Variants in LCORL observed in about 807,000 individuals in gnomAD.
LCORL encodes ligand-dependent nuclear receptor corepressor-like protein.
LCORL carries 41 observed loss-of-function variants against 141.8 expected under a neutral mutation model. The observed-to-expected ratio is 0.29, with a 90% CI of 0.23 to 0.38. LCORL has a LOEUF of 0.38. LCORL is among the 10% of genes least tolerant of loss of function. The pLI, the probability that LCORL is intolerant of heterozygous loss-of-function variation, is 1.00. For missense variants in LCORL, 1,759 were observed against 2,035.0 expected, an observed-to-expected ratio of 0.86 and a Z score of 2.61; for synonymous variants, 618 against 694.1, an observed-to-expected ratio of 0.89 and a Z score of 1.72.
At chr4:17,951,152 T>C (rs1298329279) in intron 4 of LCORL, among the ~76,000 whole-genome samples, 1 of 152,208 alleles carries the variant, frequency 6.6e-6, no homozygotes. Flanking sequence ...TATATTTCAC[T>C]CAACCAACTC....
At chr4:18,009,159 G>C (rs1345401736) in intron 1 of LCORL, among the ~76,000 whole-genome samples, 1 of 151,946 alleles carries the variant, frequency 6.6e-6, no homozygotes, top group Admixed American at 6.6e-5. Flanking sequence ...AAAACCATGA[G>C]TTCGCACAAG....
intron 6 of LCORL, among the ~76,000 whole-genome samples, chr4:17,885,400 A>C (rs1022810849): frequency 6.6e-6 from 1 of 151,996 alleles, no homozygotes; most frequent in Non-Finnish European, 1.5e-5. Context: ...TACGACTCAA[A>C]TACTACTACA....
chr4:17,888,439 A>T (rs1380337571), intron 5 of LCORL, among the ~76,000 whole-genome samples: 1 of 152,074 alleles, frequency 6.6e-6, no homozygotes, highest in Admixed American at 6.6e-5. Context: ...CAAACGTGCT[A>T]TGCAGTGTTA....
At chr4:17,908,685 A>C (rs973408105) in intron 5 of LCORL, among the ~76,000 whole-genome samples, 1 of 152,144 alleles carries the variant, frequency 6.6e-6, no homozygotes, top group Non-Finnish European at 1.5e-5. Flanking sequence ...CTCTGTTCCA[A>C]GTTATATTAT....
At chr4:17,886,337 G>GA (rs1346390487) in intron 5 of LCORL, among the ~76,000 whole-genome samples, 176 bp from the exon 6 acceptor site, 5 of 151,886 alleles carry the variant, frequency 3.3e-5, no homozygotes, top group African/African-American at 1.2e-4. Context: ...CACTATATAG[G>GA]AAAAAAAGAA....
At position 17,996,417 on chromosome 4, in the gene LCORL, A is replaced by C. The variant is rs1269800701; in HGVS notation, c.155-23532T>G. On this transcript the variant is annotated intron_variant, in intron 1 of 7. Coordinates refer to ENST00000635767, the Ensembl canonical transcript of LCORL. Reference sequence around the variant, plus strand: ...TTTAGCAAAATAATCAGACACAGAAAAACTCTTATAAAAGATACCTAGTAA... The same window carrying C: ...TTTAGCAAAATAATCAGACACAGAACAACTCTTATAAAAGATACCTAGTAA... Among the ~76,000 whole-genome samples the C allele has an allele frequency of 3.3e-5, 5 of 152,088 alleles. No individual in the cohort carries two copies. The East Asian group carries it at 9.6e-4, about 29-fold the overall frequency.
intron 4 of LCORL, among the ~76,000 whole-genome samples, chr4:17,959,761 C>T (rs564254566): frequency 1.3e-5 from 2 of 152,106 alleles, no homozygotes; most frequent in South Asian, 2.1e-4. Flanking sequence ...AATACTAATG[C>T]CATCCATATC....
At chr4:17,842,149 G>A (rs908172149) in exon 8 of LCORL, 1 of 560,182 alleles carries the variant, frequency 1.8e-6, no homozygotes, top group South Asian at 2.5e-5. Context: ...CTTTTTCTGT[G>A]GCAGTGATAA....
At chr4:17,967,148 C>G (rs182805034) in intron 2 of LCORL, among the ~76,000 whole-genome samples, 9 of 152,072 alleles carry the variant, frequency 5.9e-5, no homozygotes, top group African/African-American at 2.2e-4. Context: ...GTGAAAGAAG[C>G]AAATCTTTAG....
intron 1 of LCORL, among the ~76,000 whole-genome samples, chr4:18,004,573 G>A (rs1722485934): frequency 6.6e-6 from 1 of 152,160 alleles, no homozygotes; most frequent in African/African-American, 2.4e-5. Flanking sequence ...CGTGGGAATT[G>A]TGGGAATTAC....
At chr4:17,993,877 T>C (rs6843651) in intron 1 of LCORL, among the ~76,000 whole-genome samples, 37,044 of 152,076 alleles carry the variant, frequency 0.24, 5,876 homozygotes, top group African/African-American at 0.45. Flanking sequence ...GAAGACAGCT[T>C]TGAACAATAC....
At chr4:17,903,914 T>TA (rs904123893) in intron 5 of LCORL, among the ~76,000 whole-genome samples, 2 of 152,138 alleles carry the variant, frequency 1.3e-5, no homozygotes, top group East Asian at 3.9e-4. Context: ...GTCAAAGGAC[T>TA]AGAGTTTCTC....
chr4:17,986,245 T>C (rs1182986505), intron 1 of LCORL, among the ~76,000 whole-genome samples: 5 of 152,174 alleles, frequency 3.3e-5, no homozygotes, highest in African/African-American at 4.8e-5. Context: ...ATAGGGATGA[T>C]CTTGCACAGA....
intron 7 of LCORL, among the ~76,000 whole-genome samples, chr4:17,872,267 G>T (rs1384710045): frequency 1.3e-5 from 2 of 151,966 alleles, no homozygotes; most frequent in African/African-American, 4.8e-5. Flanking sequence ...GCTGGAAATG[G>T]CTACACTGGC....
chr4:17,940,243 T>C (rs1399244993), intron 4 of LCORL, among the ~76,000 whole-genome samples: 2 of 145,194 alleles, frequency 1.4e-5, no homozygotes, highest in African/African-American at 5.1e-5. Context: ...AAGGACACTG[T>C]CCTTAAGGTA....
chr4:17,907,573 C>T (rs547053420), intron 5 of LCORL, among the ~76,000 whole-genome samples: 3 of 152,302 alleles, frequency 2.0e-5, no homozygotes, highest in African/African-American at 7.2e-5. Context: ...TAAAAATCCT[C>T]TATTTTCCGA....
At chr4:17,977,472 G>A (rs1717196029) in intron 1 of LCORL, among the ~76,000 whole-genome samples, 1 of 151,972 alleles carries the variant, frequency 6.6e-6, no homozygotes, top group African/African-American at 2.4e-5. Flanking sequence ...ACAGTGATTT[G>A]TAGAAAACAT....
At chr4:17,856,091 G>C (rs1170883904) in intron 7 of LCORL, among the ~76,000 whole-genome samples, 1 of 152,158 alleles carries the variant, frequency 6.6e-6, no homozygotes, top group Non-Finnish European at 1.5e-5. Flanking sequence ...TTCCTTAAAC[G>C]ATTCCAGTAT....
intron 5 of LCORL, among the ~76,000 whole-genome samples, chr4:17,890,547 A>G (rs1560296479): frequency 6.6e-6 from 1 of 152,032 alleles, no homozygotes; most frequent in East Asian, 1.9e-4. Context: ...ATTACATTGT[A>G]TTTTTCTGTA....
Sources: allele counts gnomAD v4.1 joint callset (sites outside exome capture counted in the v4.1 genomes callset), GRCh38; gene constraint gnomAD v4.1.1; transcripts MANE v1.5; gene names NCBI Gene and HGNC (gene_info 2026-07-23, HGNC 2026-07-21).